Variants in ITGB8 observed in about 807,000 individuals in gnomAD.
The protein encoded by ITGB8 is integrin subunit beta 8.
ITGB8 carries 30 observed loss-of-function variants against 89.5 expected under a neutral mutation model. That is an observed-to-expected ratio of 0.34 (90% CI 0.25 to 0.45). The LOEUF (loss-of-function observed/expected upper bound fraction) is 0.45. Among genes scored for constraint, ITGB8 ranks in the 20% least tolerant of loss-of-function variants. The probability of loss-of-function intolerance (pLI) is 1.00; values close to 1 mark genes in which losing one functional copy is unlikely to be tolerated. For missense variants in ITGB8, 836 were observed against 933.3 expected, an observed-to-expected ratio of 0.90 and a Z score of 1.36; for synonymous variants, 335 against 320.4, an observed-to-expected ratio of 1.05 and a Z score of -0.49.
intron 6 of ITGB8, among the ~76,000 whole-genome samples, chr7:20,388,251 A>G (rs1786708335): frequency 6.6e-6 from 1 of 152,156 alleles, no homozygotes; most frequent in African/African-American, 2.4e-5. Context: ...TTGCCCCTGA[A>G]GTGCTTGTTA....
chr7:20,402,146 G>A lies in ITGB8; in HGVS notation c.1687+20G>A. On this transcript the variant is annotated intron_variant, in intron 10 of 13. Coordinates refer to ENST00000222573, the MANE Select transcript of ITGB8 (RefSeq NM_002214.3). ...GTGCTGGTGAGTATAAATATATACA[G>A]GCAGCTTTTACTTGTCACTATTACA... 1.9e-6 allele frequency: 3 copies of A among 1,568,264 alleles called. No individual in the cohort carries two copies. Among genetic ancestry groups the A allele is most frequent in the Non-Finnish European group, 2.6e-6 (3 of 1,158,166 alleles).
rs1787795659 is a variant in ITGB8, at chr7:20,412,436, T to C, written c.*2439T>C. ...GATAGCCATTAAGATGATGACAATT[T>C]TTGAAATGAACATTATGATATTTAT... On this transcript the variant is annotated 3_prime_UTR_variant, in exon 14 of 14. Coordinates refer to ENST00000222573, the MANE Select transcript of ITGB8 (RefSeq NM_002214.3). The C allele has an allele frequency of 1.3e-5, 2 of 152,540 alleles. No individual in the cohort carries two copies. Among genetic ancestry groups the C allele is most frequent in the Non-Finnish European group, 2.9e-5 (2 of 68,034 alleles). 9.4% of individuals were successfully genotyped at this position (152,540 alleles called of 1,614,324 possible). A position where few individuals can be genotyped will look rare whatever the true frequency, so the allele number is the denominator to read the frequency against.
chr7:20,400,441 T>C (rs1456774411), intron 9 of ITGB8, among the ~76,000 whole-genome samples: 1 of 152,220 alleles, frequency 6.6e-6, no homozygotes, highest in East Asian at 1.9e-4. Context: ...TTGATTTTAA[T>C]ATTATGGAAC....
In ITGB8 at chr7:20,401,876, A is replaced by T; in HGVS notation, c.1437A>T (p.Gly479=). 6.2e-7 allele frequency: 1 copy of T among 1,614,110 alleles called. No homozygotes were observed. The highest frequency in any genetic ancestry group is 8.5e-7 in the Non-Finnish European group (1 of 1,179,992). The part of the protein sequence containing the change: ...CQCEDNRGPK[G]KCVDETFLDS... Reference sequence around the variant, plus strand: ...GTGAGGACAACAGAGGACCTAAAGGAAAGTGTGTAGATGAAACTTTTCTAG... The same window carrying T: ...GTGAGGACAACAGAGGACCTAAAGGTAAGTGTGTAGATGAAACTTTTCTAG... Residue 479 remains glycine (G), a synonymous_variant, in exon 10 of 14, where the codon GGA becomes GGT. Coordinates refer to ENST00000222573, the MANE Select transcript of ITGB8 (RefSeq NM_002214.3).
At position 20,351,148 on chromosome 7, in the gene ITGB8, A is replaced by G. The variant is rs550183337; in HGVS notation, c.128-12489A>G. On this transcript the variant is annotated intron_variant, in intron 1 of 13. Transcript: ENST00000222573. ...CACTGATGATAAGAAAAGTAATGACATACTACTTGTATTAAAGAATTTTCT... is the reference window on the plus strand; with the variant it reads ...CACTGATGATAAGAAAAGTAATGACGTACTACTTGTATTAAAGAATTTTCT... Among the ~76,000 whole-genome samples, 4 of 152,376 alleles carry G rather than the reference A, an allele frequency of 2.6e-5. No individual in the cohort carries two copies. The South Asian group carries it at 8.3e-4, about 32-fold the overall frequency.
chr7:20,362,858 T>C lies in ITGB8; in HGVS notation c.128-779T>C, dbSNP rs190734734. On this transcript the variant is annotated intron_variant, in intron 1 of 13. Transcript: ENST00000222573. Reference sequence around the variant, plus strand: ...ATACTAATGAGCCTTATTTTAATTGTTTCAGCAGTTAGTGGATGGAGGGAT... The same window carrying C: ...ATACTAATGAGCCTTATTTTAATTGCTTCAGCAGTTAGTGGATGGAGGGAT... Among the ~76,000 whole-genome samples, 5 of 152,324 alleles carry C rather than the reference T, an allele frequency of 3.3e-5. No individual in the cohort carries two copies. In the East Asian group the frequency reaches 7.7e-4, roughly 23 times the overall value.
intron 1 of ITGB8, chr7:20,352,941 G>A (rs978104313): frequency 1.3e-5 from 2 of 152,158 alleles, no homozygotes; most frequent in African/African-American, 4.8e-5. Context: ...GATTATGATG[G>A]GCATAAATGA....
At position 20,413,002 on chromosome 7, in the gene ITGB8, G is replaced by A. The variant is rs1035241992; in HGVS notation, c.*3005G>A. 2 of 152,362 alleles carry A rather than the reference G, an allele frequency of 1.3e-5. No individual in the cohort carries two copies. The highest frequency in any genetic ancestry group is 2.9e-5 in the Non-Finnish European group (2 of 67,978). 9.4% of individuals were successfully genotyped at this position (152,362 alleles called of 1,614,324 possible). On this transcript the variant is annotated 3_prime_UTR_variant, in exon 14 of 14. Transcript: ENST00000222573. ...TACTGCAGCATTTTTGTGCCCTAAA[G>A]TATGTAATGATTTATAAATGTGCCA...
At chr7:20,362,224 G>T (rs1335961765) in intron 1 of ITGB8, among the ~76,000 whole-genome samples, 1 of 152,104 alleles carries the variant, frequency 6.6e-6, no homozygotes. Context: ...GAATGTTGGG[G>T]AAAGTTGAGA....
intron 1 of ITGB8, among the ~76,000 whole-genome samples, chr7:20,339,250 T>G (rs767320721): frequency 6.6e-6 from 1 of 152,000 alleles, no homozygotes; most frequent in Non-Finnish European, 1.5e-5. Flanking sequence ...ATGACCTAAT[T>G]TGGTCAAATT....
chr7:20,365,676 A>AGG (rs1468399953), intron 2 of ITGB8: 3 of 152,276 alleles, frequency 2.0e-5, no homozygotes, highest in Admixed American at 1.3e-4. Context: ...TGCATTAATA[A>AGG]CATAACCTCA....
intron 6 of ITGB8, among the ~76,000 whole-genome samples, chr7:20,388,165 T>C (rs6973198): frequency 0.024 from 3,671 of 152,324 alleles, 165 homozygotes; most frequent in African/African-American, 0.084. Flanking sequence ...CTTCTTTCCT[T>C]CTGACATTTA....
Position 20,410,441 on chromosome 7 carries a change from T to G in ITGB8, c.*444T>G, listed in dbSNP as rs1037702556. ...TAATCTGGCAAGTATATTCTAAGGTTGCCAAACACTTCAACAGTTGGTGGT... is the reference window on the plus strand; with the variant it reads ...TAATCTGGCAAGTATATTCTAAGGTGGCCAAACACTTCAACAGTTGGTGGT... On this transcript the variant is annotated 3_prime_UTR_variant, in exon 14 of 14. Coordinates refer to ENST00000222573, the MANE Select transcript of ITGB8 (RefSeq NM_002214.3). The G allele has an allele frequency of 3.2e-5, 5 of 157,620 alleles. No individual in the cohort carries two copies. Among genetic ancestry groups the G allele is most frequent in the Non-Finnish European group, 5.6e-5 (4 of 71,950 alleles). 9.8% of individuals were successfully genotyped at this position (157,620 alleles called of 1,614,324 possible).
chr7:20,380,438 A>ATTT, intron 4 of ITGB8: 1 of 458,976 alleles, frequency 2.2e-6, no homozygotes, highest in Non-Finnish European at 3.8e-6. Context: ...AATCATCTTT[A>ATTT]TTTTTTTGAA....
chr7:20,345,075 G>T (rs1309086976), intron 1 of ITGB8, among the ~76,000 whole-genome samples: 1 of 152,186 alleles, frequency 6.6e-6, no homozygotes, highest in Non-Finnish European at 1.5e-5. Flanking sequence ...AAGAATACTG[G>T]AGAAGGAGGT....
chr7:20,337,574 T>C (rs189526749), intron 1 of ITGB8, among the ~76,000 whole-genome samples: 18 of 152,344 alleles, frequency 1.2e-4, no homozygotes, highest in Admixed American at 1.1e-3. Context: ...TTATTCCCAT[T>C]GTATAGGTAA....
At position 20,413,866 on chromosome 7, in the gene ITGB8, A is replaced by G. The variant is rs1009489834; in HGVS notation, c.*3869A>G. ...TTCTGTTATGTTGACTCAATATTTA[A>G]TTTACAACTATCCTTATTTATATTG... On this transcript the variant is annotated 3_prime_UTR_variant, in exon 14 of 14. Transcript: ENST00000222573. The G allele has an allele frequency of 6.6e-6, 1 of 152,076 alleles. No individual in the cohort carries two copies. The highest frequency in any genetic ancestry group is 2.4e-5 in the African/African-American group (1 of 41,448). 9.4% of individuals were successfully genotyped at this position (152,076 alleles called of 1,614,324 possible). A position where few individuals can be genotyped will look rare whatever the true frequency, so the allele number is the denominator to read the frequency against.
intron 3 of ITGB8, among the ~76,000 whole-genome samples, chr7:20,369,739 CTG>C (rs1466760268): frequency 6.6e-6 from 1 of 152,120 alleles, no homozygotes; most frequent in East Asian, 1.9e-4. Context: ...AAAAATAAAA[CTG>C]TTCTTATATG....
At chr7:20,380,570 C>T (rs376246607) in intron 4 of ITGB8, 96 bp from the exon 5 acceptor site, 7 of 971,048 alleles carry the variant, frequency 7.2e-6, no homozygotes, top group South Asian at 4.5e-5. Flanking sequence ...AAAAGAAGTA[C>T]TCCCTTTTCA....
Sources: allele counts gnomAD v4.1 joint callset (sites outside exome capture counted in the v4.1 genomes callset), GRCh38; gene constraint gnomAD v4.1.1; transcripts MANE v1.5; gene names NCBI Gene and HGNC (gene_info 2026-07-23, HGNC 2026-07-21).